The following ROBO2 variants were observed in gnomAD, a reference collection of about 807,000 sequenced individuals.
ROBO2 encodes the protein roundabout guidance receptor 2.
A neutral mutation model predicts 160.8 loss-of-function variants in ROBO2; 53 were observed. That is an observed-to-expected ratio of 0.33 (90% confidence interval 0.26 to 0.41). The LOEUF (loss-of-function observed/expected upper bound fraction) is 0.41. ROBO2 is among the 10% of genes least tolerant of loss of function. The pLI is 1.00. For synonymous variants in ROBO2, 664 were observed against 611.7 expected, an observed-to-expected ratio of 1.09 and a Z score of -1.26; for missense variants, 1,577 against 1,722.4, an observed-to-expected ratio of 0.92 and a Z score of 1.49.
chr3:76,341,764 A>G (rs1204818716), intron 2 of ROBO2, among the ~76,000 whole-genome samples: 1 of 152,176 alleles, frequency 6.6e-6, no homozygotes, highest in African/African-American at 2.4e-5. Flanking sequence ...AAAATGGCTT[A>G]AAAAATAACT....
intron 4 of ROBO2, among the ~76,000 whole-genome samples, chr3:77,491,198 T>G (rs1321072702): frequency 6.6e-6 from 1 of 152,132 alleles, no homozygotes; most frequent in Non-Finnish European, 1.5e-5. Context: ...AGTGGGTGCA[T>G]TAACATGTGC....
At chr3:77,275,881 T>A (rs1474149430) in intron 2 of ROBO2, among the ~76,000 whole-genome samples, 1 of 152,174 alleles carries the variant, frequency 6.6e-6, no homozygotes, top group Non-Finnish European at 1.5e-5. Context: ...GTGATTAAAA[T>A]CAACTTAGCT....
At chr3:77,468,497 G>C (rs907819178) in intron 2 of ROBO2, among the ~76,000 whole-genome samples, 1 of 152,180 alleles carries the variant, frequency 6.6e-6, no homozygotes, top group Non-Finnish European at 1.5e-5. Flanking sequence ...CCTTCAGCAA[G>C]TTTTAAACAT....
At chr3:76,065,730 A>ATATATATATAT (rs753797432) in intron 2 of ROBO2, among the ~76,000 whole-genome samples, 6 of 137,012 alleles carry the variant, frequency 4.4e-5, no homozygotes, top group African/African-American at 1.8e-4. Flanking sequence ...ATGCATATTT[A>ATATATATATAT]AACTAAATAT....
At chr3:76,996,082 T>C (rs6795549) in intron 2 of ROBO2, among the ~76,000 whole-genome samples, 1 of 151,912 alleles carries the variant, frequency 6.6e-6, no homozygotes, top group Non-Finnish European at 1.5e-5. Flanking sequence ...TTTATGGTTT[T>C]AGGTCTAACA....
chr3:77,222,306 T>C (rs1453958532), intron 2 of ROBO2, among the ~76,000 whole-genome samples: 4 of 152,216 alleles, frequency 2.6e-5, no homozygotes, highest in African/African-American at 4.8e-5. Flanking sequence ...TAATTAGGTA[T>C]AGAGAATGGC....
chr3:76,665,876 TTA>T (rs59779503), intron 2 of ROBO2, among the ~76,000 whole-genome samples: 2 of 140,786 alleles, frequency 1.4e-5, no homozygotes, highest in African/African-American at 2.6e-5. Context: ...TATATACGTA[TTA>T]TATATATAAT....
At chr3:77,055,376 T>C (rs1435187381) in intron 1 of ROBO2, among the ~76,000 whole-genome samples, 1 of 152,172 alleles carries the variant, frequency 6.6e-6, no homozygotes, top group Non-Finnish European at 1.5e-5. Context: ...CTCATAATAG[T>C]CTGTGAACTC....
chr3:77,557,920 C>CG, intron 8 of ROBO2, 24 bp from the exon 10 acceptor site: 3 of 1,460,470 alleles, frequency 2.1e-6, no homozygotes, highest in Non-Finnish European at 2.7e-6. Flanking sequence ...TGTTAAAATA[C>CG]CTGAAAAGAG....
intron 2 of ROBO2, among the ~76,000 whole-genome samples, chr3:77,131,239 T>G (rs2075826884): frequency 6.6e-6 from 1 of 152,178 alleles, no homozygotes; most frequent in African/African-American, 2.4e-5. Context: ...CTCTGAGATA[T>G]GCTGAAGGCA....
At chr3:77,515,168 C>T (rs2089872914) in intron 5 of ROBO2, among the ~76,000 whole-genome samples, 1 of 151,686 alleles carries the variant, frequency 6.6e-6, no homozygotes, top group Non-Finnish European at 1.5e-5. Flanking sequence ...ACAGGCCTAT[C>T]CTTTCTCTGA....
intron 2 of ROBO2, among the ~76,000 whole-genome samples, chr3:76,785,563 T>G (rs2062920672): frequency 6.6e-6 from 1 of 151,270 alleles, no homozygotes; most frequent in South Asian, 2.1e-4. Context: ...CTTTTCTTTT[T>G]TAAAAAAATT....
chr3:76,811,352 C>A (rs2065145104), intron 2 of ROBO2, among the ~76,000 whole-genome samples: 1 of 152,048 alleles, frequency 6.6e-6, no homozygotes, highest in South Asian at 2.1e-4. Flanking sequence ...TTTTCATTTT[C>A]TTATCAGTAA....
At chr3:76,868,548 A>G (rs1489203164) in intron 2 of ROBO2, among the ~76,000 whole-genome samples, 1 of 152,218 alleles carries the variant, frequency 6.6e-6, no homozygotes, top group African/African-American at 2.4e-5. Flanking sequence ...GGGTAATGCA[A>G]TCTTATCAAA....
chr3:77,583,262 C>G (rs1368727801), intron 16 of ROBO2, among the ~76,000 whole-genome samples: 3 of 150,982 alleles, frequency 2.0e-5, no homozygotes, highest in Non-Finnish European at 4.4e-5. Flanking sequence ...TTGGGTTAGT[C>G]TTGGCTGCAT....
At chr3:77,449,304 T>A (rs959114619) in intron 2 of ROBO2, among the ~76,000 whole-genome samples, 1 of 152,044 alleles carries the variant, frequency 6.6e-6, no homozygotes, top group Non-Finnish European at 1.5e-5. Context: ...ATGAGAAGAA[T>A]GAAAAGGTCT....
intron 6 of ROBO2, chr3:77,538,953 C>T (rs1052362906): frequency 2.0e-5 from 9 of 444,982 alleles, no homozygotes; most frequent in Non-Finnish European, 3.6e-5. Flanking sequence ...CTTGCTCTGT[C>T]GCCCAGGCTG....
At chr3:76,097,319 C>T (rs913950360) in intron 2 of ROBO2, among the ~76,000 whole-genome samples, 1 of 152,038 alleles carries the variant, frequency 6.6e-6, no homozygotes, top group Non-Finnish European at 1.5e-5. Flanking sequence ...TAGCCTAGCA[C>T]CTGAACTTGC....
intron 2 of ROBO2, among the ~76,000 whole-genome samples, chr3:77,180,724 AG>A (rs1375774392): frequency 6.6e-6 from 1 of 151,996 alleles, no homozygotes; most frequent in East Asian, 1.9e-4. Flanking sequence ...TCTGTTTAAA[AG>A]CAAATGTATT....
Sources: allele counts gnomAD v4.1 joint callset (sites outside exome capture counted in the v4.1 genomes callset), GRCh38; gene constraint gnomAD v4.1.1; transcripts MANE v1.5; gene names NCBI Gene and HGNC (gene_info 2026-07-23, HGNC 2026-07-21).